The following LGR5 variants were observed in gnomAD, a reference collection of about 807,000 sequenced individuals.
LGR5 encodes leucine-rich repeat-containing G protein-coupled receptor 5.
LGR5 carries 54 observed loss-of-function variants against 76.7 expected under a neutral mutation model. The ratio of observed to expected loss-of-function variants is 0.70; its 90% CI spans 0.57 to 0.88. The LOEUF (loss-of-function observed/expected upper bound fraction) is 0.88, where lower values mean the gene tolerates loss of function less well. LGR5 is among the 40% of genes least tolerant of loss of function. The pLI is 0.00. For missense variants in LGR5, 1,078 were observed against 1,073.3 expected (o/e 1.00, Z -0.06); for synonymous variants, 406 against 421.9 (o/e 0.96, Z 0.46).
chr12:71,512,947 C>T (rs12815896), intron 2 of LGR5, among the ~76,000 whole-genome samples: 14,126 of 152,182 alleles, frequency 0.093, 705 homozygotes, highest in Non-Finnish European at 0.11. Flanking sequence ...GATGAGAACC[C>T]TGAGAGAGAA....
intron 6 of LGR5, among the ~76,000 whole-genome samples, chr12:71,557,007 G>A (rs1008743970): frequency 6.6e-6 from 1 of 152,240 alleles, no homozygotes; most frequent in Non-Finnish European, 1.5e-5. Flanking sequence ...CACTGTTCAT[G>A]AGTCTGGTAC....
At chr12:71,446,478 C>G (rs79146043) in intron 1 of LGR5, among the ~76,000 whole-genome samples, 8,294 of 152,252 alleles carry the variant, frequency 0.054, 317 homozygotes, top group Non-Finnish European at 0.083. Context: ...GTCAATACCC[C>G]CCTTGTGGTG....
chr12:71,508,830 A>AGCT (rs1875001817), intron 2 of LGR5, among the ~76,000 whole-genome samples: 1 of 151,680 alleles, frequency 6.6e-6, no homozygotes, highest in South Asian at 2.1e-4. Context: ...TCAGAAGAAC[A>AGCT]GCTATTACAG....
At chr12:71,564,637 C>T (rs1017014735) in intron 8 of LGR5, among the ~76,000 whole-genome samples, 32 of 148,184 alleles carry the variant, frequency 2.2e-4, no homozygotes, top group African/African-American at 2.8e-4. Context: ...TCTGTACACA[C>T]GCACTGTGTA....
intron 4 of LGR5, among the ~76,000 whole-genome samples, chr12:71,546,247 G>T (rs1592531716): frequency 6.6e-6 from 1 of 151,738 alleles, no homozygotes; most frequent in Non-Finnish European, 1.5e-5. Context: ...CCCAGGAGGT[G>T]GAGGTTGCAG....
chr12:71,576,223 A>G (rs965525158), intron 13 of LGR5, among the ~76,000 whole-genome samples: 4 of 152,354 alleles, frequency 2.6e-5, no homozygotes, highest in Admixed American at 2.0e-4. Context: ...CATGTCCTGC[A>G]CGTGTATCCT....
intron 1 of LGR5, among the ~76,000 whole-genome samples, chr12:71,501,354 T>C (rs533956949): frequency 3.9e-5 from 6 of 152,296 alleles, no homozygotes; most frequent in Admixed American, 6.5e-5. Flanking sequence ...GTTCTAGGCC[T>C]GGCCTTTCCC....
intron 3 of LGR5, among the ~76,000 whole-genome samples, chr12:71,530,910 G>T (rs995041211): frequency 2.6e-5 from 4 of 151,016 alleles, no homozygotes; most frequent in African/African-American, 9.8e-5. Flanking sequence ...TAAGAATTGA[G>T]CCATCAGTTG....
At chr12:71,530,511 C>G (rs1213789142) in intron 3 of LGR5, among the ~76,000 whole-genome samples, 2 of 152,166 alleles carry the variant, frequency 1.3e-5, no homozygotes, top group Admixed American at 6.5e-5. Flanking sequence ...AGAATGAAGA[C>G]AGCAGCAGCC....
chr12:71,553,364 C>A, intron 5 of LGR5, 76 bp downstream of exon 5: 1 of 1,238,828 alleles, frequency 8.1e-7, no homozygotes, highest in Non-Finnish European at 1.2e-6. Context: ...AATGCTGGCT[C>A]TTCAAAGCTC....
In LGR5 at chr12:71,584,528, G is replaced by GA; in HGVS notation, c.2518_2519insA (p.Val840AspfsTer14). 2 of 1,614,028 alleles carry GA rather than the reference G, an allele frequency of 1.2e-6. No homozygotes were observed. Among genetic ancestry groups the GA allele is most frequent in the East Asian group, 4.5e-5 (2 of 44,876 alleles). On this transcript the variant is annotated frameshift_variant, in exon 18 of 18. Transcript: ENST00000266674. LOFTEE classifies it high-confidence loss of function. The stretch of plus-strand genomic sequence containing the variant: ...GGTGAGCCTGAGAAAGCAAACCTAC[G>GA]TCTGGACAAGATCAAAACACCCAAG...
intron 1 of LGR5, among the ~76,000 whole-genome samples, chr12:71,445,433 C>T (rs894911384): frequency 5.9e-5 from 9 of 152,206 alleles, no homozygotes; most frequent in African/African-American, 2.2e-4. Context: ...CACTGCAACT[C>T]TTTCATTCCC....
At position 71,502,477 on chromosome 12, in the gene LGR5, C is replaced by T. The variant is rs548150077; in HGVS notation, c.213-2137C>T. 1.1e-3 allele frequency among the ~76,000 whole-genome samples: 166 copies of T among 152,154 alleles called. 1 individual carries two copies. The highest frequency in any genetic ancestry group is 3.8e-3 in the African/African-American group (159 of 41,512). On this transcript the variant is annotated intron_variant, in intron 1 of 17. Transcript: ENST00000266674. ...CCTCCCAAAGTGCTGGGATTACAGG[C>T]GTGAGCCACCATGCCCAGCCAGGTA...
At chr12:71,548,203 A>G (rs934899582) in intron 4 of LGR5, among the ~76,000 whole-genome samples, 5 of 152,272 alleles carry the variant, frequency 3.3e-5, no homozygotes, top group African/African-American at 9.6e-5. Flanking sequence ...GATCATTGCT[A>G]GAAACTTTCT....
chr12:71,544,092 T>C (rs1369973970), intron 4 of LGR5, among the ~76,000 whole-genome samples: 2 of 152,162 alleles, frequency 1.3e-5, no homozygotes, highest in Non-Finnish European at 2.9e-5. Flanking sequence ...ATATTCCTTA[T>C]TGGAGTCTTG....
intron 1 of LGR5, among the ~76,000 whole-genome samples, chr12:71,474,495 TG>T (rs1367143956): frequency 2.6e-5 from 4 of 152,200 alleles, no homozygotes; most frequent in Non-Finnish European, 4.4e-5. Flanking sequence ...TCAGTTTAGG[TG>T]GGAGACCCAC....
intron 2 of LGR5, among the ~76,000 whole-genome samples, chr12:71,510,954 G>T (rs12814679): frequency 0.092 from 14,067 of 152,124 alleles, 697 homozygotes; most frequent in Non-Finnish European, 0.11. Flanking sequence ...AGGGAAGTGA[G>T]GTGGATGCAG....
At chr12:71,466,672 GT>G (rs369854715) in intron 1 of LGR5, among the ~76,000 whole-genome samples, 3,053 of 144,402 alleles carry the variant, frequency 0.021, 87 homozygotes, top group East Asian at 0.12. Flanking sequence ...TGTCTTCCAT[GT>G]TTTTTTTTTT....
intron 1 of LGR5, among the ~76,000 whole-genome samples, chr12:71,504,118 G>A (rs1174959643): frequency 1.3e-5 from 2 of 152,002 alleles, no homozygotes; most frequent in South Asian, 2.1e-4. Flanking sequence ...GAGGGAATAG[G>A]CTTTTTGTCT....
Sources: allele counts gnomAD v4.1 joint callset (sites outside exome capture counted in the v4.1 genomes callset), GRCh38; gene constraint gnomAD v4.1.1; transcripts MANE v1.5; gene names NCBI Gene and HGNC (gene_info 2026-07-23, HGNC 2026-07-21).